The following RANBP17 variants were observed in gnomAD, a reference collection of about 807,000 sequenced individuals.
RANBP17 encodes RAN binding protein 17, also known as ran-binding protein 17.
A neutral mutation model predicts 141.2 loss-of-function variants in RANBP17; 158 were observed. That is an observed-to-expected ratio of 1.12 (90% CI 0.98 to 1.28). RANBP17 has a LOEUF of 1.28. Among genes scored for constraint, RANBP17 ranks in the 50% most tolerant of loss-of-function variants. The pLI is 0.00. For synonymous variants in RANBP17, 430 were observed against 450.0 expected (o/e 0.96, Z 0.56); for missense variants, 1,438 against 1,290.7 (o/e 1.11, Z -1.75).
At chr5:171,254,020 G>C (rs897143892) in intron 24 of RANBP17, among the ~76,000 whole-genome samples, 3 of 152,114 alleles carry the variant, frequency 2.0e-5, no homozygotes, top group Non-Finnish European at 4.4e-5. Context: ...GGCCGAGGCG[G>C]GTGGATCACG....
intron 20 of RANBP17, among the ~76,000 whole-genome samples, chr5:171,213,143 A>C (rs1763010851): frequency 6.6e-6 from 1 of 152,160 alleles, no homozygotes; most frequent in Non-Finnish European, 1.5e-5. Context: ...AAACTGAGAG[A>C]TATGTGAGGT....
Position 171,213,715 on chromosome 5 carries a change from T to C in RANBP17, c.2316T>C (p.Leu772=), listed in dbSNP as rs747482720. The C allele has an allele frequency of 6.8e-6, 11 of 1,613,244 alleles. No individual in the cohort carries two copies. Among genetic ancestry groups the C allele is most frequent in the South Asian group, 3.3e-5 (3 of 91,040 alleles). ...EPTCTTPILK[L]MAELMQNRSQ... ...CATGTACAACTCCCATCTTGAAACTTATGGCAGAACTTATGCAAAACAGGT... is the reference window on the plus strand; with the variant it reads ...CATGTACAACTCCCATCTTGAAACTCATGGCAGAACTTATGCAAAACAGGT... Residue 772 remains leucine (L), a synonymous_variant, in exon 21 of 28, where the codon CTT becomes CTC. Coordinates refer to ENST00000523189, the MANE Select transcript of RANBP17 (RefSeq NM_022897.5).
chr5:171,137,052 A>G (rs1360400798), intron 14 of RANBP17, among the ~76,000 whole-genome samples: 1 of 152,160 alleles, frequency 6.6e-6, no homozygotes, highest in African/African-American at 2.4e-5. Context: ...AAATATTTAT[A>G]AAGTTCTATT....
chr5:171,061,186 T>C (rs1419425556), intron 14 of RANBP17, among the ~76,000 whole-genome samples: 1 of 151,764 alleles, frequency 6.6e-6, no homozygotes, highest in African/African-American at 2.4e-5. Context: ...ATTTTAGTTA[T>C]TTCTTGCCTT....
intron 14 of RANBP17, among the ~76,000 whole-genome samples, chr5:171,110,369 C>T (rs753777376): frequency 2.6e-5 from 4 of 151,980 alleles, no homozygotes; most frequent in African/African-American, 4.8e-5. Flanking sequence ...TAACCTTGTC[C>T]GCTCTCTTCT....
chr5:171,020,750 T>C (rs1780796903), intron 14 of RANBP17, among the ~76,000 whole-genome samples: 1 of 152,048 alleles, frequency 6.6e-6, no homozygotes, highest in Non-Finnish European at 1.5e-5. Context: ...TGTCTTTTAA[T>C]TGGGGCATTT....
intron 14 of RANBP17, among the ~76,000 whole-genome samples, chr5:171,013,470 A>AT (rs969635465): frequency 1.3e-5 from 2 of 151,972 alleles, no homozygotes; most frequent in African/African-American, 4.8e-5. Flanking sequence ...TGTTCTAGAT[A>AT]TTTTTTTAAC....
chr5:171,251,780 T>G (rs2128004755), intron 24 of RANBP17: 2 of 1,052,482 alleles, frequency 1.9e-6, no homozygotes, highest in Non-Finnish European at 2.9e-6. Context: ...CGCCCCCGCC[T>G]CTGTGATTGG....
chr5:170,933,536 C>G (rs1381759704), intron 12 of RANBP17, among the ~76,000 whole-genome samples: 1 of 152,202 alleles, frequency 6.6e-6, no homozygotes, highest in African/African-American at 2.4e-5. Flanking sequence ...TTCTAGCTTT[C>G]TCCTGTGGGC....
intron 14 of RANBP17, among the ~76,000 whole-genome samples, chr5:171,046,983 T>G (rs1347697410): frequency 6.6e-6 from 1 of 151,894 alleles, no homozygotes; most frequent in Non-Finnish European, 1.5e-5. Flanking sequence ...TTAATGGGAT[T>G]GTAGGGCATC....
intron 14 of RANBP17, among the ~76,000 whole-genome samples, chr5:171,125,296 C>CAAA (rs3083436): frequency 0.057 from 4,862 of 85,692 alleles, 262 homozygotes; most frequent in East Asian, 0.11. Context: ...GACTATGTAT[C>CAAA]AAAAAAAAAA....
intron 14 of RANBP17, among the ~76,000 whole-genome samples, chr5:171,008,417 C>CA (rs994344684): frequency 2.0e-5 from 3 of 152,118 alleles, no homozygotes; most frequent in African/African-American, 7.2e-5. Flanking sequence ...CACCAAATGT[C>CA]ACGGACGTCC....
rs1780274262 is a variant in RANBP17, at chr5:171,014,202, A to C, written c.1710+45825A>C. Among the ~76,000 whole-genome samples, 3 of 151,520 alleles carry C rather than the reference A, an allele frequency of 2.0e-5. No individual in the cohort carries two copies. The South Asian group carries it at 6.2e-4, about 32-fold the overall frequency. ...TCTTTTTTTCATTTTTTTATCTTTA[A>C]CCTATCTATGTCTTTATATAAATAG... On this transcript the variant is annotated intron_variant, in intron 14 of 27. Transcript: ENST00000523189.
intron 2 of RANBP17, among the ~76,000 whole-genome samples, chr5:170,881,576 T>A (rs1330706475): frequency 6.6e-6 from 1 of 152,236 alleles, no homozygotes; most frequent in African/African-American, 2.4e-5. Flanking sequence ...TTATTTGAGA[T>A]GGCTGTCTAC....
At chr5:170,876,998 A>C (rs1175498736) in intron 1 of RANBP17, among the ~76,000 whole-genome samples, 1 of 152,150 alleles carries the variant, frequency 6.6e-6, no homozygotes, top group Admixed American at 6.5e-5. Flanking sequence ...TTTAACAAAA[A>C]AATTTTTTGG....
intron 21 of RANBP17, among the ~76,000 whole-genome samples, chr5:171,219,088 G>T (rs1763401328): frequency 6.6e-6 from 1 of 152,070 alleles, no homozygotes; most frequent in African/African-American, 2.4e-5. Context: ...CAGACCTGGT[G>T]GTGACAAAAT....
intron 14 of RANBP17, among the ~76,000 whole-genome samples, chr5:171,006,513 C>T (rs553921996): frequency 1.3e-5 from 2 of 152,142 alleles, no homozygotes; most frequent in African/African-American, 4.8e-5. Flanking sequence ...ACCAAACACT[C>T]CACGTTCTCA....
chr5:171,073,586 AATAT>A (rs993278018), intron 14 of RANBP17, among the ~76,000 whole-genome samples: 1 of 152,140 alleles, frequency 6.6e-6, no homozygotes, highest in Non-Finnish European at 1.5e-5. Context: ...TATATGGATA[AATAT>A]ATATAGAACT....
rs761175556 is a variant in RANBP17 at position 170,968,343 on chromosome 5, CAT to C, written c.1679_1680del (p.Tyr560CysfsTer3). On this transcript the variant is annotated frameshift_variant, in exon 14 of 28. Transcript: ENST00000523189. LOFTEE classifies it high-confidence loss of function. ...TGGTTCTTGGATCAGTTTCGTAAAA[CAT>C]ATGTTGGTGATCAACTTCAAAGAAC... 8 of 1,607,698 alleles carry C rather than the reference CAT, an allele frequency of 5.0e-6. No homozygotes were observed. Among genetic ancestry groups the C allele is most frequent in the Non-Finnish European group, 5.9e-6 (7 of 1,177,500 alleles).
Sources: allele counts gnomAD v4.1 joint callset (sites outside exome capture counted in the v4.1 genomes callset), GRCh38; gene constraint gnomAD v4.1.1; transcripts MANE v1.5; gene names NCBI Gene and HGNC (gene_info 2026-07-23, HGNC 2026-07-21).